SBF2: variants seen among roughly 807,000 people sequenced by gnomAD.
SBF2 encodes SET binding factor 2.
In SBF2, 112 loss-of-function variants were observed where a neutral mutation model predicts 225.2. That is an observed-to-expected ratio of 0.50 (90% CI 0.43 to 0.58). The LOEUF is 0.58. Among genes scored for constraint, SBF2 ranks in the 20% least tolerant of loss-of-function variants. SBF2 has a pLI of 0.00. For missense variants in SBF2, 1,996 were observed against 2,206.2 expected, an observed-to-expected ratio of 0.90 and a Z score of 1.91; for synonymous variants, 763 against 773.3, an observed-to-expected ratio of 0.99 and a Z score of 0.22.
chr11:9,793,482 T>G (rs1193749810), intron 33 of SBF2, among the ~76,000 whole-genome samples: 1 of 152,112 alleles, frequency 6.6e-6, no homozygotes, highest in African/African-American at 2.4e-5. Flanking sequence ...CTCTGCCTCA[T>G]GGGGTCAAGA....
intron 1 of SBF2, among the ~76,000 whole-genome samples, chr11:10,214,232 A>G (rs994269007): frequency 1.3e-5 from 2 of 152,114 alleles, no homozygotes; most frequent in Non-Finnish European, 1.5e-5. Context: ...CCCAGTTCTG[A>G]TAACTAAAAA....
chr11:9,979,788 T>A (rs1429333595), intron 13 of SBF2, among the ~76,000 whole-genome samples: 1 of 152,038 alleles, frequency 6.6e-6, no homozygotes, highest in Admixed American at 6.6e-5. Flanking sequence ...GTTAAGTAAT[T>A]TAAAATTGAA....
intron 16 of SBF2, among the ~76,000 whole-genome samples, chr11:9,942,402 T>TTA (rs1865308226): frequency 6.6e-6 from 1 of 152,168 alleles, no homozygotes; most frequent in Non-Finnish European, 1.5e-5. Flanking sequence ...AATACTATGT[T>TTA]TATAGATACG....
chr11:9,780,435 A>G lies in SBF2; in HGVS notation c.5533T>C (p.Cys1845Arg). The change falls in exon 40 of 40, where the codon TGT (cysteine) becomes CGT (arginine). Residue 1845 changes from cysteine to arginine, a missense_variant. Coordinates refer to ENST00000256190, the MANE Select transcript of SBF2 (RefSeq NM_030962.4). ...AQQWMDKIQS[C>R]ISDA is the part of the protein sequence containing the mutation. ...CATGGGCATCAGGCATCAGAGATAC[A>G]ACTCTGGATCTTGTCCATCCATTGC... 2 of 1,614,044 alleles carry G rather than the reference A, an allele frequency of 1.2e-6. No individual in the cohort carries two copies. The highest frequency in any genetic ancestry group is 1.7e-6 in the Non-Finnish European group (2 of 1,179,934).
chr11:10,225,597 AGAT>A (rs1319696773), intron 1 of SBF2, among the ~76,000 whole-genome samples: 4 of 152,116 alleles, frequency 2.6e-5, no homozygotes, highest in African/African-American at 9.7e-5. Flanking sequence ...CAGAAATTCT[AGAT>A]GACACACCAT....
intron 26 of SBF2, among the ~76,000 whole-genome samples, chr11:9,834,680 A>G (rs1200324588): frequency 6.6e-6 from 1 of 152,206 alleles, no homozygotes; most frequent in Non-Finnish European, 1.5e-5. Flanking sequence ...AGACCAAGCT[A>G]TAGACATAAT....
chr11:9,789,989 G>C (rs1852637389), intron 34 of SBF2, among the ~76,000 whole-genome samples: 2 of 152,208 alleles, frequency 1.3e-5, no homozygotes, highest in Non-Finnish European at 2.9e-5. Context: ...GGCCAGACTA[G>C]GGTTCTATGA....
chr11:10,205,402 G>A (rs190120271), intron 1 of SBF2, among the ~76,000 whole-genome samples: 1 of 151,930 alleles, frequency 6.6e-6, no homozygotes, highest in Admixed American at 6.5e-5. Flanking sequence ...AATAACACAG[G>A]AGGCAACCAA....
chr11:10,005,390 G>T (rs1374194041), intron 6 of SBF2, among the ~76,000 whole-genome samples: 10 of 152,144 alleles, frequency 6.6e-5, no homozygotes, highest in African/African-American at 2.4e-4. Flanking sequence ...AGAATCTGGG[G>T]AGGAGAGATG....
At chr11:10,281,296 G>A (rs1963389500) in intron 1 of SBF2, among the ~76,000 whole-genome samples, 2 of 152,034 alleles carry the variant, frequency 1.3e-5, no homozygotes, top group African/African-American at 4.8e-5. Context: ...TTACCTACTT[G>A]GCCCAAGATG....
rs1163626382 is a variant in SBF2 at position 9,839,560 on chromosome 11, G to A, written c.3393C>T (p.Ser1131=). The A allele has an allele frequency of 6.2e-7, 1 of 1,614,038 alleles. No homozygotes were observed. Among genetic ancestry groups the A allele is most frequent in the Non-Finnish European group, 8.5e-7 (1 of 1,180,034 alleles). ...LGLGTISGSS[S]RSRPEYFRIT... ...TTCTAAAATACTCGGGTCTTGAACG[G>A]GAAGAGCTGCCACTTATGGTTCCTA... The change falls in exon 26 of 40, where the codon TCC becomes TCT. Residue 1131 remains serine (S), a synonymous_variant. Transcript: ENST00000256190.
In SBF2 at chr11:9,785,161, A is replaced by G. The variant is rs1382153834; in HGVS notation, c.5195T>C (p.Leu1732Pro). ...ATTCTTGGATGTATACTGGCTATAG[A>G]GCGTGGCTGCTCTTCGCTCCACTCC... is the stretch of plus-strand genomic sequence containing the variant. Reference protein sequence around the residue: ...SNGVERRAATLYSQYTSKNDE... With the variant: ...SNGVERRAATPYSQYTSKNDE... Residue 1732 changes from leucine to proline, a missense_variant, in exon 37 of 40, where the codon CTC becomes CCC. By Grantham distance (98) the Leu-to-Pro change is moderately conservative. Transcript: ENST00000256190. The G allele has an allele frequency of 1.9e-6, 3 of 1,613,602 alleles. No individual in the cohort carries two copies. Among genetic ancestry groups the G allele is most frequent in the Non-Finnish European group, 2.5e-6 (3 of 1,180,020 alleles).
chr11:10,290,486 G>A (rs1964093403), intron 1 of SBF2, among the ~76,000 whole-genome samples: 2 of 152,136 alleles, frequency 1.3e-5, no homozygotes, highest in South Asian at 2.1e-4. Context: ...GTGCTGGGGA[G>A]GGTGTCCCTG....
rs371184526 is a variant in SBF2 at position 9,785,111 on chromosome 11, G to A, written c.5231+14C>T. On this transcript the variant is annotated intron_variant, in intron 37 of 39. Coordinates refer to ENST00000256190, the MANE Select transcript of SBF2 (RefSeq NM_030962.4). ...GGAAGTCTTCAGCACAGCGAGCAGG[G>A]TTCAGCATGTCACCTGTTTTCATCA... The A allele has an allele frequency of 3.1e-4, 500 of 1,611,724 alleles. 1 individual carries two copies. The South Asian group carries it at 4.8e-3, about 15-fold the overall frequency.
intron 16 of SBF2, among the ~76,000 whole-genome samples, chr11:9,938,204 T>G (rs1165708636): frequency 2.0e-5 from 3 of 150,938 alleles, no homozygotes; most frequent in Non-Finnish European, 4.4e-5. Context: ...GGCAGGAGAA[T>G]GGTGAGAACC....
chr11:10,067,579 C>T (rs1368067788), intron 2 of SBF2, among the ~76,000 whole-genome samples: 1 of 151,930 alleles, frequency 6.6e-6, no homozygotes, highest in East Asian at 1.9e-4. Flanking sequence ...AAAAAAATGC[C>T]CAGCATAGTA....
Position 10,051,237 on chromosome 11 carries a change from T to C in SBF2, c.142-8256A>G, listed in dbSNP as rs535846079. Among the ~76,000 whole-genome samples, 3 of 152,232 alleles carry C rather than the reference T, an allele frequency of 2.0e-5. No individual in the cohort carries two copies. The East Asian group carries it at 5.8e-4, about 29-fold the overall frequency. ...ATGTATAACATTTAAATTAAATGTG[T>C]CTCTTTTTAAAAAGCCTGTAAGAAA... On this transcript the variant is annotated intron_variant, in intron 2 of 39. Coordinates refer to ENST00000256190, the MANE Select transcript of SBF2 (RefSeq NM_030962.4).
intron 2 of SBF2, among the ~76,000 whole-genome samples, chr11:10,192,325 T>C (rs1957205292): frequency 6.6e-6 from 1 of 152,172 alleles, no homozygotes; most frequent in Non-Finnish European, 1.5e-5. Flanking sequence ...CAGCTTTCTT[T>C]ACATGGCTGA....
intron 17 of SBF2, among the ~76,000 whole-genome samples, chr11:9,878,689 G>A (rs1389081331): frequency 6.6e-6 from 1 of 152,104 alleles, no homozygotes; most frequent in South Asian, 2.1e-4. Context: ...AATTCCAAAA[G>A]GTTAATTACA....
Sources: allele counts gnomAD v4.1 joint callset (sites outside exome capture counted in the v4.1 genomes callset), GRCh38; gene constraint gnomAD v4.1.1; transcripts MANE v1.5; gene names NCBI Gene and HGNC (gene_info 2026-07-23, HGNC 2026-07-21).